The following SDK1 variants were observed in gnomAD, a reference collection of about 807,000 sequenced individuals.
The protein encoded by SDK1 is protein sidekick-1.
In SDK1, 157 loss-of-function variants were observed where a neutral mutation model predicts 245.5. The observed-to-expected ratio is 0.64, with a 90% CI of 0.56 to 0.73. The LOEUF (loss-of-function observed/expected upper bound fraction) is 0.73, where lower values mean the gene tolerates loss of function less well. SDK1 is among the 30% of genes least tolerant of loss of function. SDK1 has a pLI of 0.00. For synonymous variants in SDK1, 1,647 were observed against 1,278.5 expected, an observed-to-expected ratio of 1.29 and a Z score of -6.15; for missense variants, 3,583 against 3,002.3, an observed-to-expected ratio of 1.19 and a Z score of -4.52.
intron 13 of SDK1, 96 bp downstream of exon 13, chr7:3,974,641 T>A (rs1782762360): frequency 8.1e-7 from 1 of 1,230,850 alleles, no homozygotes; most frequent in Non-Finnish European, 1.2e-6. Flanking sequence ...CACGCCCGGC[T>A]TGTGTCCCAA....
At chr7:3,946,344 A>T (rs903259125) in intron 5 of SDK1, among the ~76,000 whole-genome samples, 1 of 152,048 alleles carries the variant, frequency 6.6e-6, no homozygotes, top group African/African-American at 2.4e-5. Context: ...AACCTGGCTA[A>T]TAAAAAAATT....
chr7:3,683,865 T>G (rs997581111), intron 4 of SDK1, among the ~76,000 whole-genome samples: 1 of 152,176 alleles, frequency 6.6e-6, no homozygotes, highest in African/African-American at 2.4e-5. Flanking sequence ...CAGTCCTGTT[T>G]CCTCCAGGCA....
At chr7:3,608,196 T>C (rs1229515016) in intron 1 of SDK1, among the ~76,000 whole-genome samples, 1 of 152,238 alleles carries the variant, frequency 6.6e-6, no homozygotes, top group Admixed American at 6.5e-5. Flanking sequence ...TTATTAATTC[T>C]ATTAAGCTTT....
At chr7:3,518,407 A>G (rs557942642) in intron 1 of SDK1, among the ~76,000 whole-genome samples, 1 of 152,084 alleles carries the variant, frequency 6.6e-6, no homozygotes, top group African/African-American at 2.4e-5. Flanking sequence ...AACCTACAGA[A>G]TGGGAGAACA....
intron 13 of SDK1, among the ~76,000 whole-genome samples, chr7:3,975,137 C>T (rs1037755536): frequency 3.3e-5 from 5 of 152,260 alleles, no homozygotes; most frequent in Admixed American, 2.0e-4. Flanking sequence ...CGTCTCTGCT[C>T]TCTTTCTCCC....
At chr7:3,994,351 T>G (rs1388307976) in intron 14 of SDK1, among the ~76,000 whole-genome samples, 1 of 152,170 alleles carries the variant, frequency 6.6e-6, no homozygotes, top group Admixed American at 6.5e-5. Flanking sequence ...AAGTTAGAGA[T>G]AATGTCCAGG....
At chr7:4,038,769 C>T (rs181258842) in intron 17 of SDK1, among the ~76,000 whole-genome samples, 30 of 152,334 alleles carry the variant, frequency 2.0e-4, no homozygotes, top group African/African-American at 7.2e-4. Flanking sequence ...CTCATCAATA[C>T]TCCCACTTCT....
intron 5 of SDK1, among the ~76,000 whole-genome samples, chr7:3,852,544 G>A (rs1356341819): frequency 1.3e-5 from 2 of 151,404 alleles, no homozygotes; most frequent in Admixed American, 1.3e-4. Context: ...TCAGGAGATT[G>A]AGACCATCCT....
Position 4,241,828 on chromosome 7 carries a change from C to T in SDK1, c.6166C>T (p.Leu2056=), listed in dbSNP as rs1786540250. The T allele has an allele frequency of 1.2e-6, 2 of 1,614,162 alleles. No individual in the cohort carries two copies. The highest frequency in any genetic ancestry group is 2.2e-5 in the East Asian group (1 of 44,872). The change falls in exon 43 of 45, where the codon CTG becomes TTG. Residue 2056 remains leucine (L), a synonymous_variant. Coordinates refer to ENST00000404826, the MANE Select transcript of SDK1 (RefSeq NM_152744.4). ...CTCCACCATGGAGGAGTCTGTGACC[C>T]TGGACAACGGAGGATTTGCTGCCCT... is the stretch of plus-strand genomic sequence containing the variant. The part of the protein sequence containing the change: ...GISTMEESVT[L]DNGGFAALEL...
chr7:3,588,039 G>A (rs1780747182), intron 1 of SDK1, among the ~76,000 whole-genome samples: 1 of 152,228 alleles, frequency 6.6e-6, no homozygotes, highest in Non-Finnish European at 1.5e-5. Context: ...TATTTCAAAT[G>A]TAGTAGGGAT....
chr7:3,534,628 T>A lies in SDK1; in HGVS notation c.299-84452T>A, dbSNP rs920226841. 3.3e-5 allele frequency among the ~76,000 whole-genome samples: 5 copies of A among 152,200 alleles called. 1 individual carries two copies. Among genetic ancestry groups the A allele is most frequent in the African/African-American group, 1.2e-4 (5 of 41,452 alleles). ...TAGCTTTGCATGTTACTGCTTCCTT[T>A]TTTATTTCTCTCGGTCTCTGCCTTT... On this transcript the variant is annotated intron_variant, in intron 1 of 44. Coordinates refer to ENST00000404826, the MANE Select transcript of SDK1 (RefSeq NM_152744.4).
chr7:3,697,460 A>G (rs1784608178), intron 4 of SDK1, among the ~76,000 whole-genome samples: 2 of 152,224 alleles, frequency 1.3e-5, no homozygotes, highest in African/African-American at 2.4e-5. Context: ...GCTCTGCTTC[A>G]TTAGAAGTTG....
At chr7:3,998,775 C>G (rs1199456904) in intron 14 of SDK1, among the ~76,000 whole-genome samples, 1 of 152,230 alleles carries the variant, frequency 6.6e-6, no homozygotes, top group African/African-American at 2.4e-5. Flanking sequence ...TCCGTATCTT[C>G]CGCATCGCTC....
chr7:4,239,848 C>T (rs1166489205), intron 42 of SDK1, among the ~76,000 whole-genome samples: 2 of 152,170 alleles, frequency 1.3e-5, no homozygotes, highest in Non-Finnish European at 1.5e-5. Context: ...CCCTGATGAG[C>T]TGTTCTTAAA....
intron 25 of SDK1, among the ~76,000 whole-genome samples, chr7:4,117,989 A>G (rs893587464): frequency 2.0e-5 from 3 of 152,152 alleles, no homozygotes; most frequent in African/African-American, 7.2e-5. Flanking sequence ...TTGAATTTGC[A>G]TTATATGGAT....
intron 1 of SDK1, among the ~76,000 whole-genome samples, chr7:3,323,952 C>G (rs952271087): frequency 9.2e-5 from 14 of 152,152 alleles, no homozygotes; most frequent in African/African-American, 3.4e-4. Context: ...TTTCTATTAC[C>G]TATGTCCATT....
At chr7:3,705,245 A>G (rs533780611) in intron 4 of SDK1, among the ~76,000 whole-genome samples, 1 of 152,020 alleles carries the variant, frequency 6.6e-6, no homozygotes, top group South Asian at 2.1e-4. Context: ...GTATTTTGAT[A>G]GGAATTGCAT....
chr7:4,244,537 C>G (rs1048903424), intron 43 of SDK1, among the ~76,000 whole-genome samples: 6 of 152,190 alleles, frequency 3.9e-5, no homozygotes, highest in African/African-American at 1.4e-4. Flanking sequence ...AGATAGTCAC[C>G]AGGAAGTGGG....
intron 4 of SDK1, among the ~76,000 whole-genome samples, chr7:3,775,113 C>T (rs1167783656): frequency 6.6e-6 from 1 of 152,190 alleles, no homozygotes; most frequent in Non-Finnish European, 1.5e-5. Flanking sequence ...TACAAAGGCT[C>T]AACTGGCAAT....
Sources: gnomAD v4.1 joint callset for allele counts (sites outside exome capture counted in the v4.1 genomes callset) on GRCh38, gnomAD v4.1.1 for gene constraint, MANE v1.5 for transcripts, NCBI Gene and HGNC (gene_info 2026-07-23, HGNC 2026-07-21) for gene names.